Variants in GATAD2A observed in about 807,000 individuals in gnomAD.
GATAD2A encodes transcriptional repressor p66-alpha.
A neutral mutation model predicts 68.5 loss-of-function variants in GATAD2A; 12 were observed. The ratio of observed to expected loss-of-function variants is 0.18; its 90% CI spans 0.11 to 0.28. GATAD2A has a LOEUF of 0.28. Among genes scored for constraint, GATAD2A ranks in the 10% least tolerant of loss-of-function variants. The probability of loss-of-function intolerance (pLI) is 1.00; values close to 1 mark genes in which losing one functional copy is unlikely to be tolerated. For synonymous variants in GATAD2A, 410 were observed against 375.3 expected (o/e 1.09, Z -1.07); for missense variants, 755 against 868.5 (o/e 0.87, Z 1.64).
At chr19:19,454,728 G>GCCCCCCCCCCCCC (rs60087917) in intron 1 of GATAD2A, among the ~76,000 whole-genome samples, 2 of 121,616 alleles carry the variant, frequency 1.6e-5, no homozygotes, top group African/African-American at 3.5e-5. Flanking sequence ...GAGCCACTGT[G>GCCCCCCCCCCCCC]CCCCCCCCCA....
At chr19:19,458,866 G>C (rs1458579107) in intron 1 of GATAD2A, among the ~76,000 whole-genome samples, 8 of 152,204 alleles carry the variant, frequency 5.3e-5, no homozygotes, top group African/African-American at 1.9e-4. Flanking sequence ...CTATGCGTTG[G>C]AGTATTGGAG....
intron 1 of GATAD2A, chr19:19,436,122 T>G: frequency 7.4e-7 from 1 of 1,350,514 alleles, no homozygotes; most frequent in South Asian, 1.1e-5. Context: ...TCTCTGTCCT[T>G]TGCTTTAGGT....
At chr19:19,505,231 C>T in intron 11 of GATAD2A, 113 bp from the exon 12 acceptor site, 1 of 989,232 alleles carries the variant, frequency 1.0e-6, no homozygotes, top group Non-Finnish European at 1.5e-6. Flanking sequence ...TTTGCAAGGG[C>T]TCCTGGGTCC....
In GATAD2A at chr19:19,471,270, A is replaced by C. The variant is rs1052473231; in HGVS notation, c.269+5656A>C. 2.7e-5 allele frequency among the ~76,000 whole-genome samples: 4 copies of C among 148,692 alleles called. No individual in the cohort carries two copies. In the Admixed American group the frequency reaches 2.7e-4, roughly 10 times the overall value. The stretch of plus-strand genomic sequence containing the variant: ...ACTGTCTCAAAAAAAAAAAAAAAAA[A>C]AGTGGAAGCAACCCAGTGTCCCATG... On this transcript the variant is annotated intron_variant, in intron 2 of 11. Coordinates refer to ENST00000683918, the MANE Select transcript of GATAD2A (RefSeq NM_001384528.1).
chr19:19,435,025 A>G (rs375250138), intron 1 of GATAD2A: 1 of 501,046 alleles, frequency 2.0e-6, no homozygotes, highest in African/African-American at 2.0e-5. Flanking sequence ...AGGAGGTTAC[A>G]TTGGGAGAAT....
chr19:19,464,413 C>T (rs1037188017), intron 1 of GATAD2A, among the ~76,000 whole-genome samples: 1 of 152,208 alleles, frequency 6.6e-6, no homozygotes, highest in Admixed American at 6.5e-5. Flanking sequence ...ATTAGAGCAG[C>T]CCCTTTAAGA....
At chr19:19,469,959 AAG>A (rs1423528389) in intron 2 of GATAD2A, among the ~76,000 whole-genome samples, 2 of 151,404 alleles carry the variant, frequency 1.3e-5, no homozygotes, top group Non-Finnish European at 3.0e-5. Context: ...AAAAAAAAAA[AAG>A]AAGCAAGATT....
At chr19:19,404,350 G>A (rs913191468), upstream of GATAD2A, among the ~76,000 whole-genome samples, 3 of 151,832 alleles carry the variant, frequency 2.0e-5, no homozygotes, top group Non-Finnish European at 4.4e-5. Context: ...ATTCTTGGGC[G>A]TTACATTGAT....
rs769064807 is a variant in GATAD2A, at chr19:19,498,529, T to G, written c.1011T>G (p.Ser337=). 3 of 1,613,754 alleles carry G rather than the reference T, an allele frequency of 1.9e-6. No individual in the cohort carries two copies. The African/African-American group carries it at 4.0e-5, about 22-fold the overall frequency. The change falls in exon 8 of 12, where the codon TCT becomes TCG. Residue 337 remains serine (S), a synonymous_variant. Coordinates refer to ENST00000683918, the MANE Select transcript of GATAD2A (RefSeq NM_001384528.1). ...CTAGTGTGGCCTCTGTGGTCACCTC[T>G]GCCGAGTCTCCAGCAAGCCGACAGG... The part of the protein sequence containing the change: ...TPTSVASVVT[S]AESPASRQAA...
intron 1 of GATAD2A, among the ~76,000 whole-genome samples, chr19:19,416,532 A>G (rs78585912): frequency 0.026 from 4,021 of 152,290 alleles, 191 homozygotes; most frequent in African/African-American, 0.09. Flanking sequence ...AAAAGGCAGC[A>G]GAAGTGGACA....
chr19:19,483,781 ATTTTTTTTTT>A (rs540958459), intron 2 of GATAD2A, among the ~76,000 whole-genome samples: 1 of 130,020 alleles, frequency 7.7e-6, no homozygotes, highest in Non-Finnish European at 1.6e-5. Context: ...TACCCGGCTA[ATTTTTTTTTT>A]TTTTTTTTTT....
In GATAD2A at chr19:19,495,855, C is replaced by G. The variant is rs372564690; in HGVS notation, c.726C>G (p.Val242=). The change falls in exon 6 of 12, where the codon GTC becomes GTG. Residue 242 remains valine, a synonymous_variant. Coordinates refer to ENST00000683918, the MANE Select transcript of GATAD2A (RefSeq NM_001384528.1). ...SKLGPQASSQ[V]VMPPLVRGAQ... is the part of the protein sequence containing the mutation. ...TGGGGCCACAGGCGAGCTCACAGGT[C>G]GTCATGCCCCCACTCGTCAGGGGGG... is the stretch of plus-strand genomic sequence containing the variant. The G allele has an allele frequency of 8.7e-6, 14 of 1,612,992 alleles. No homozygotes were observed. The African/African-American group carries it at 1.9e-4, about 22-fold the overall frequency.
At chr19:19,455,256 G>A (rs191604704) in intron 1 of GATAD2A, among the ~76,000 whole-genome samples, 3 of 152,270 alleles carry the variant, frequency 2.0e-5, no homozygotes, top group East Asian at 3.9e-4. Flanking sequence ...TTGGGAAGCC[G>A]AGGCAGGTGG....
chr19:19,448,435 G>C (rs545060970), intron 1 of GATAD2A, among the ~76,000 whole-genome samples: 1 of 152,378 alleles, frequency 6.6e-6, no homozygotes, highest in South Asian at 2.1e-4. Flanking sequence ...GTCACACACA[G>C]AAACCAAGTC....
chr19:19,417,377 A>T (rs1333605686), intron 1 of GATAD2A, among the ~76,000 whole-genome samples: 1 of 152,154 alleles, frequency 6.6e-6, no homozygotes, highest in Non-Finnish European at 1.5e-5. Flanking sequence ...GAAGCTGAAA[A>T]AGATGGGGCA....
chr19:19,394,646 T>C (rs1473138707), intron 1 of GATAD2A, among the ~76,000 whole-genome samples: 1 of 151,990 alleles, frequency 6.6e-6, no homozygotes, highest in Non-Finnish European at 1.5e-5. Context: ...GGGGTTTCAC[T>C]GTGTTGCCCA....
At chr19:19,494,822 G>A (rs1156957158) in intron 5 of GATAD2A, among the ~76,000 whole-genome samples, 1 of 152,200 alleles carries the variant, frequency 6.6e-6, no homozygotes, top group Non-Finnish European at 1.5e-5. Context: ...GCTCTAGGGG[G>A]TGACCATGCC....
At chr19:19,420,408 T>G (rs2147253304) in intron 1 of GATAD2A, among the ~76,000 whole-genome samples, 1 of 148,120 alleles carries the variant, frequency 6.8e-6, no homozygotes, top group East Asian at 2.0e-4. Context: ...CTCGGCTCAC[T>G]GGAAGCTCTG....
At position 19,400,082 on chromosome 19, in the gene GATAD2A, G is replaced by C. The variant is rs961121472; in HGVS notation, c.-7+13944G>C. Among the ~76,000 whole-genome samples the C allele has an allele frequency of 6.6e-5, 10 of 152,040 alleles. No individual in the cohort carries two copies. The East Asian group carries it at 1.7e-3, about 26-fold the overall frequency. ...GTTTACTTCCATCCAAATTAGGTGG[G>C]AATTTTTTTAAACCATATGTAGACA... is the stretch of plus-strand genomic sequence containing the variant. On this transcript the variant is annotated intron_variant, in intron 1 of 11. Coordinates refer to the GATAD2A transcript ENST00000360315.
Sources: gnomAD v4.1 joint callset for allele counts (sites outside exome capture counted in the v4.1 genomes callset) on GRCh38, gnomAD v4.1.1 for gene constraint, MANE v1.5 for transcripts, NCBI Gene and HGNC (gene_info 2026-07-23, HGNC 2026-07-21) for gene names.